The following HYCC2 variants were observed in gnomAD, a reference collection of about 807,000 sequenced individuals.
The protein encoded by HYCC2 is hyccin 2.
chr2:200,979,067 C>T, the HYCC2 span: 1 of 151,326 alleles, frequency 6.6e-6, no homozygotes, highest in Non-Finnish European at 1.5e-5. Flanking sequence ...TTTTTTAGAT[C>T]TCACTTTCTA....
At chr2:201,069,890 G>A in the HYCC2 span, among the ~76,000 whole-genome samples, 1 of 151,882 alleles carries the variant, frequency 6.6e-6, no homozygotes, top group Non-Finnish European at 1.5e-5. Context: ...TTCATATATA[G>A]GAATATAAAT....
At chr2:201,064,443 G>T in the HYCC2 span, among the ~76,000 whole-genome samples, 1 of 152,010 alleles carries the variant, frequency 6.6e-6, no homozygotes, top group African/African-American at 2.4e-5. Context: ...TTCCCCAACA[G>T]TGTGAAGTTA....
chr2:201,042,625 C>G, the HYCC2 span, among the ~76,000 whole-genome samples: 1 of 143,596 alleles, frequency 7.0e-6, no homozygotes, highest in African/African-American at 2.6e-5. Flanking sequence ...TCTGGGGGAG[C>G]CCCTCCGCCT....
chr2:201,000,237 A>G, the HYCC2 span, among the ~76,000 whole-genome samples: 1 of 151,466 alleles, frequency 6.6e-6, no homozygotes, highest in Non-Finnish European at 1.5e-5. Context: ...TTAGCGGGCC[A>G]TGGTGGTAGT....
At chr2:201,041,126 A>AT in the HYCC2 span, among the ~76,000 whole-genome samples, 9 of 152,212 alleles carry the variant, frequency 5.9e-5, no homozygotes, top group Non-Finnish European at 1.2e-4. Flanking sequence ...TAAACATTAC[A>AT]TAAGTGTTTG....
chr2:201,011,737 CA>C, the HYCC2 span, among the ~76,000 whole-genome samples: 17 of 152,074 alleles, frequency 1.1e-4, no homozygotes, highest in African/African-American at 4.1e-4. Context: ...AATATGACAG[CA>C]AAGACATGAG....
At chr2:201,063,247 C>A in the HYCC2 span, 4 of 1,593,124 alleles carry the variant, frequency 2.5e-6, no homozygotes, top group Non-Finnish European at 3.4e-6. Context: ...ACACCAAGTG[C>A]TCCACGGGCT....
chr2:201,057,233 A>C, the HYCC2 span, among the ~76,000 whole-genome samples: 1 of 152,234 alleles, frequency 6.6e-6, no homozygotes, highest in East Asian at 1.9e-4. Context: ...ATAGTGTGTC[A>C]GATATGAACT....
At chr2:201,063,781 C>T in the HYCC2 span, 2 of 1,590,690 alleles carry the variant, frequency 1.3e-6, no homozygotes, top group Non-Finnish European at 8.5e-7. Context: ...TTGGTGGCAG[C>T]CGTGGTGGTG....
chr2:201,048,859 C>T, the HYCC2 span, among the ~76,000 whole-genome samples: 4,339 of 152,056 alleles, frequency 0.029, 218 homozygotes, highest in African/African-American at 0.1. Context: ...CAGGGCATGG[C>T]GGCTCAAGCC....
At chr2:201,032,389 G>A in the HYCC2 span, among the ~76,000 whole-genome samples, 1 of 151,608 alleles carries the variant, frequency 6.6e-6, no homozygotes, top group Non-Finnish European at 1.5e-5. Context: ...TTAGACTTTT[G>A]ATAATAAATT....
chr2:201,070,702 T>C, the HYCC2 span, among the ~76,000 whole-genome samples: 1 of 152,064 alleles, frequency 6.6e-6, no homozygotes, highest in African/African-American at 2.4e-5. Flanking sequence ...CACCACCTTA[T>C]TTGCACAGTC....
chr2:201,045,469 T>C, the HYCC2 span: 1 of 397,720 alleles, frequency 2.5e-6, no homozygotes, highest in Non-Finnish European at 4.4e-6. Context: ...TTCTTTATCC[T>C]TTAAAAAGTT....
the HYCC2 span, among the ~76,000 whole-genome samples, chr2:201,027,375 T>C: frequency 6.6e-6 from 1 of 152,230 alleles, no homozygotes; most frequent in African/African-American, 2.4e-5. Context: ...AGCTGAATTC[T>C]ACCAGAGGTA....
At chr2:201,019,400 G>T in the HYCC2 span, among the ~76,000 whole-genome samples, 1 of 152,114 alleles carries the variant, frequency 6.6e-6, no homozygotes, top group Admixed American at 6.5e-5. Flanking sequence ...AAGCGAATGG[G>T]GGGTAGATGT....
the HYCC2 span, among the ~76,000 whole-genome samples, chr2:201,034,705 T>C: frequency 6.6e-6 from 1 of 152,230 alleles, no homozygotes; most frequent in African/African-American, 2.4e-5. Context: ...CTAGCCTCAA[T>C]GGTCTTTACA....
the HYCC2 span, among the ~76,000 whole-genome samples, chr2:200,991,803 G>A: frequency 1.3e-5 from 2 of 151,156 alleles, no homozygotes; most frequent in Non-Finnish European, 3.0e-5. Context: ...TCACACATCT[G>A]TAATTCCAGC....
At chr2:201,063,441 A>G in the HYCC2 span, 7 of 1,590,314 alleles carry the variant, frequency 4.4e-6, no homozygotes, top group Non-Finnish European at 8.5e-7. Flanking sequence ...GACACTGAAG[A>G]ACATCACCTA....
At chr2:200,978,409 T>C in the HYCC2 span, 6 of 148,856 alleles carry the variant, frequency 4.0e-5, no homozygotes, top group Non-Finnish European at 5.9e-5. Context: ...TGGGTATGTA[T>C]ACATACAAAC....
Sources: allele counts gnomAD v4.1 joint callset (sites outside exome capture counted in the v4.1 genomes callset), GRCh38; gene constraint gnomAD v4.1.1; transcripts MANE v1.5; gene names NCBI Gene and HGNC (gene_info 2026-07-23, HGNC 2026-07-21).